KMT2E: variants seen among roughly 807,000 people sequenced by gnomAD.
KMT2E encodes lysine methyltransferase 2E (inactive).
A neutral mutation model predicts 184.6 loss-of-function variants in KMT2E; 30 were observed. The ratio of observed to expected loss-of-function variants is 0.16; its 90% CI spans 0.12 to 0.22. KMT2E has a LOEUF of 0.22. KMT2E is among the 10% of genes least tolerant of loss of function. The pLI is 1.00. For synonymous variants in KMT2E, 815 were observed against 776.5 expected (o/e 1.05, Z -0.82); for missense variants, 2,023 against 2,237.4 (o/e 0.90, Z 1.93).
intron 1 of KMT2E, among the ~76,000 whole-genome samples, chr7:105,022,218 A>G (rs1794984289): frequency 6.6e-6 from 1 of 151,368 alleles, no homozygotes; most frequent in South Asian, 2.1e-4. Context: ...AGTTGTCCCT[A>G]TTATGTCCTT....
intron 2 of KMT2E, among the ~76,000 whole-genome samples, chr7:105,040,547 A>G (rs1795835954): frequency 6.6e-6 from 1 of 152,214 alleles, no homozygotes; most frequent in Non-Finnish European, 1.5e-5. Context: ...GCATACTGGC[A>G]CTTTAAGAAA....
At chr7:105,077,236 T>C in intron 10 of KMT2E, 43 bp downstream of exon 10, 1 of 1,602,920 alleles carries the variant, frequency 6.2e-7, no homozygotes, top group Non-Finnish European at 8.5e-7. Context: ...CAGTTTTATA[T>C]TGTGAATTTT....
chr7:105,068,480 A>C (rs956346594), intron 6 of KMT2E, among the ~76,000 whole-genome samples: 6 of 150,946 alleles, frequency 4.0e-5, no homozygotes, highest in African/African-American at 1.5e-4. Context: ...TTAAGACAGG[A>C]TCTCACATTG....
At chr7:105,094,145 C>T (rs1170591652) in intron 15 of KMT2E, among the ~76,000 whole-genome samples, 1 of 152,122 alleles carries the variant, frequency 6.6e-6, no homozygotes. Context: ...AGTTCCCCAC[C>T]CCCAAGTATT....
chr7:105,015,275 A>G (rs888490235), intron 1 of KMT2E, among the ~76,000 whole-genome samples: 2 of 152,222 alleles, frequency 1.3e-5, no homozygotes, highest in African/African-American at 4.8e-5. Flanking sequence ...CTATGGCAGC[A>G]GACACAGATG....
intron 23 of KMT2E, among the ~76,000 whole-genome samples, chr7:105,109,597 G>A (rs181225219): frequency 8.5e-5 from 13 of 152,222 alleles, no homozygotes; most frequent in Admixed American, 8.5e-4. Flanking sequence ...TTGGCAAATG[G>A]CAGGCAGCCA....
intron 3 of KMT2E, among the ~76,000 whole-genome samples, chr7:105,050,739 T>G (rs866582034): frequency 4.6e-5 from 7 of 151,830 alleles, no homozygotes; most frequent in African/African-American, 9.7e-5. Flanking sequence ...CTTTCTGTCT[T>G]TCTTTCTTTC....
intron 3 of KMT2E, among the ~76,000 whole-genome samples, chr7:105,044,015 T>G (rs923693876): frequency 1.3e-5 from 2 of 152,168 alleles, no homozygotes; most frequent in African/African-American, 4.8e-5. Flanking sequence ...GGAGGATCAC[T>G]TGAGCCCAGG....
intron 3 of KMT2E, among the ~76,000 whole-genome samples, chr7:105,051,106 CTCTT>C (rs1428507791): frequency 2.1e-5 from 3 of 141,286 alleles, no homozygotes; most frequent in Non-Finnish European, 4.8e-5. Context: ...CTCTCTCTCT[CTCTT>C]TCTTCCTTTC....
intron 3 of KMT2E, among the ~76,000 whole-genome samples, chr7:105,055,898 A>T (rs777317459): frequency 6.6e-6 from 1 of 152,224 alleles, no homozygotes; most frequent in African/African-American, 2.4e-5. Flanking sequence ...TTAGTTTCTT[A>T]AGAAGAAGGA....
intron 1 of KMT2E, among the ~76,000 whole-genome samples, chr7:105,035,741 T>C (rs1795624385): frequency 6.6e-6 from 1 of 151,898 alleles, no homozygotes; most frequent in Non-Finnish European, 1.5e-5. Context: ...GTATTTCTAG[T>C]AGAGGTGGGG....
At chr7:105,041,361 C>T (rs1795872459) in intron 3 of KMT2E, among the ~76,000 whole-genome samples, 1 of 152,130 alleles carries the variant, frequency 6.6e-6, no homozygotes, top group Non-Finnish European at 1.5e-5. Context: ...GTCACTAGAG[C>T]CACCTGCTGA....
rs34014525 is a variant in KMT2E at position 105,075,188 on chromosome 7, C to CT, written c.729+389dup. 6.3e-3 allele frequency among the ~76,000 whole-genome samples: 887 copies of CT among 140,604 alleles called. 18 individuals carry two copies. The East Asian group carries it at 0.066, about 11-fold the overall frequency. 92.2% of individuals were successfully genotyped at this position (140,604 alleles called of 152,430 possible). A position where few individuals can be genotyped will look rare whatever the true frequency, so the allele number is the denominator to read the frequency against. On this transcript the variant is annotated intron_variant, in intron 8 of 26. Transcript: ENST00000311117. ...GTTTTACATAACGGTTCTTTGCCTC[C>CT]TTTTTTTTTTTTTTTTAAACCTTGC...
rs1400292929 is a variant in KMT2E, at chr7:105,114,154, A to ATAGAT, written c.*823_*827dup. The stretch of plus-strand genomic sequence containing the variant: ...TCTACAGAAGTTCTAGTTTTCAAAT[A>ATAGAT]TAGATTGTAAGGAGCCTTCAATTTT... On this transcript the variant is annotated 3_prime_UTR_variant, in exon 27 of 27. Transcript: ENST00000311117. The ATAGAT allele has an allele frequency of 7.2e-5, 11 of 152,332 alleles. No individual in the cohort carries two copies. Among genetic ancestry groups the ATAGAT allele is most frequent in the African/African-American group, 1.7e-4 (7 of 41,450 alleles). 9.4% of individuals were successfully genotyped at this position (152,332 alleles called of 1,614,324 possible). A position where few individuals can be genotyped will look rare whatever the true frequency, so the allele number is the denominator to read the frequency against.
intron 1 of KMT2E, among the ~76,000 whole-genome samples, chr7:105,036,904 A>T (rs1795683698): frequency 6.6e-6 from 1 of 152,212 alleles, no homozygotes; most frequent in African/African-American, 2.4e-5. Flanking sequence ...TTTATAGTTG[A>T]AAGTCAGAGC....
intron 1 of KMT2E, among the ~76,000 whole-genome samples, chr7:105,027,569 G>T (rs777354514): frequency 3.9e-5 from 6 of 152,090 alleles, no homozygotes; most frequent in South Asian, 2.1e-4. Context: ...TGGATATGTG[G>T]ATCTATTAAT....
rs376054779 is a variant in KMT2E, at chr7:105,090,061, C to A, written c.1411C>A (p.Leu471Ile). The change falls in exon 14 of 27, where the codon CTA becomes ATA. Residue 471 changes from leucine (L) to isoleucine (I), a missense_variant. Around this residue, in one of 8 missense-constraint regions of KMT2E, gnomAD observed 514 missense variants for 621.8 expected, o/e 0.83. Transcript: ENST00000311117. ...CAAAGAAAACCCAGAGTGCCCTGTT[C>A]TAAAACGTAGTTCTGAATCCATGGA... ...CLKENPECPV[L>I]KRSSESMENI... 6.2e-6 allele frequency: 10 copies of A among 1,613,528 alleles called. No homozygotes were observed. In the South Asian group the frequency reaches 1.1e-4, roughly 18 times the overall value.
rs146655847 is a variant in KMT2E, at chr7:105,055,936, A to G, written c.72-6228A>G. On this transcript the variant is annotated intron_variant, in intron 3 of 26. Coordinates refer to ENST00000311117, the MANE Select transcript of KMT2E (RefSeq NM_182931.3). Reference sequence around the variant, plus strand: ...ACTTTTTTTTTTTTTTATTTCCAGCATTTGGTACAGTATCTCACTGCCTGG... The same window carrying G: ...ACTTTTTTTTTTTTTTATTTCCAGCGTTTGGTACAGTATCTCACTGCCTGG... 3.2e-3 allele frequency among the ~76,000 whole-genome samples: 476 copies of G among 150,372 alleles called. 5 individuals carry two copies. The highest frequency in any genetic ancestry group is 0.01 in the African/African-American group (414 of 40,878).
At chr7:105,015,559 G>A (rs1794681930) in intron 1 of KMT2E, among the ~76,000 whole-genome samples, 1 of 152,158 alleles carries the variant, frequency 6.6e-6, no homozygotes, top group African/African-American at 2.4e-5. Flanking sequence ...CATTCAACTC[G>A]AGGCTGGAGA....
Sources: gnomAD v4.1 joint callset for allele counts (sites outside exome capture counted in the v4.1 genomes callset) on GRCh38, gnomAD v4.1.1 for gene constraint, gnomAD v4.1.1 regional missense constraint, MANE v1.5 for transcripts, NCBI Gene and HGNC (gene_info 2026-07-23, HGNC 2026-07-21) for gene names.